SAMD12: variants seen among roughly 807,000 people sequenced by gnomAD.
SAMD12 encodes sterile alpha motif domain containing 12.
In SAMD12, 9 loss-of-function variants were observed where a neutral mutation model predicts 15.0. That is an observed-to-expected ratio of 0.60 (90% CI 0.36 to 1.05). The LOEUF is 1.05. Among genes scored for constraint, SAMD12 ranks in the 50% least tolerant of loss-of-function variants. The probability of loss-of-function intolerance (pLI) is 0.01; values close to 1 mark genes in which losing one functional copy is unlikely to be tolerated. For missense variants in SAMD12, 230 were observed against 234.2 expected, an observed-to-expected ratio of 0.98 and a Z score of 0.12; for synonymous variants, 86 against 90.1, an observed-to-expected ratio of 0.96 and a Z score of 0.25.
chr8:118,226,604 T>C (rs1164194726), intron 4 of SAMD12, among the ~76,000 whole-genome samples: 1 of 152,232 alleles, frequency 6.6e-6, no homozygotes, highest in African/African-American at 2.4e-5. Flanking sequence ...ATTCCCTATA[T>C]GCTGTGCACT....
intron 3 of SAMD12, among the ~76,000 whole-genome samples, chr8:118,432,119 T>A (rs1305246798): frequency 6.6e-6 from 1 of 152,206 alleles, no homozygotes; most frequent in Non-Finnish European, 1.5e-5. Flanking sequence ...TCCACTTCTC[T>A]GTTACATTAG....
chr8:118,268,472 A>C (rs570965637), intron 4 of SAMD12, among the ~76,000 whole-genome samples: 1 of 152,116 alleles, frequency 6.6e-6, no homozygotes, highest in East Asian at 1.9e-4. Flanking sequence ...CTTATCACCA[A>C]CTCAGCCCCA....
intron 1 of SAMD12, among the ~76,000 whole-genome samples, chr8:118,586,412 G>A (rs2131270058): frequency 6.8e-6 from 1 of 146,930 alleles, no homozygotes; most frequent in South Asian, 2.1e-4. Context: ...GTGTGATCAT[G>A]GCTCACTGCA....
chr8:118,481,198 G>A (rs1336322710), intron 2 of SAMD12, among the ~76,000 whole-genome samples: 3 of 151,502 alleles, frequency 2.0e-5, no homozygotes, highest in South Asian at 2.1e-4. Flanking sequence ...CAAGTGATCC[G>A]CCTGCCTTAG....
intron 4 of SAMD12, among the ~76,000 whole-genome samples, chr8:118,201,064 C>A (rs1237175424): frequency 6.6e-6 from 1 of 152,194 alleles, no homozygotes; most frequent in Non-Finnish European, 1.5e-5. Context: ...CATCACTTTG[C>A]TAGAGACTTA....
chr8:118,463,335 C>T (rs1254003122), intron 2 of SAMD12, among the ~76,000 whole-genome samples: 2 of 152,076 alleles, frequency 1.3e-5, no homozygotes, highest in Non-Finnish European at 2.9e-5. Flanking sequence ...GACGCCATGA[C>T]TCAGGCAGGT....
intron 3 of SAMD12, among the ~76,000 whole-genome samples, chr8:118,402,281 C>A (rs927346531): frequency 7.2e-5 from 11 of 152,000 alleles, no homozygotes; most frequent in African/African-American, 2.7e-4. Context: ...GTTGGGTCAC[C>A]GGAGGTACTT....
At chr8:118,612,500 C>T (rs1377347623) in intron 1 of SAMD12, among the ~76,000 whole-genome samples, 1 of 152,218 alleles carries the variant, frequency 6.6e-6, no homozygotes, top group East Asian at 1.9e-4. Flanking sequence ...CACCTCTGGA[C>T]AACTGTGTCC....
chr8:118,287,033 T>A (rs75567701), intron 4 of SAMD12, among the ~76,000 whole-genome samples: 8,121 of 152,210 alleles, frequency 0.053, 702 homozygotes, highest in African/African-American at 0.18. Flanking sequence ...AAAATTAAGT[T>A]GTTTTAAGAT....
chr8:118,529,176 C>T (rs1825617312), intron 2 of SAMD12, among the ~76,000 whole-genome samples: 3 of 152,164 alleles, frequency 2.0e-5, no homozygotes, highest in African/African-American at 7.2e-5. Flanking sequence ...ACCAGGAGTT[C>T]AAGTTTTTGC....
At chr8:118,252,532 C>G (rs933093309) in intron 4 of SAMD12, among the ~76,000 whole-genome samples, 6 of 152,170 alleles carry the variant, frequency 3.9e-5, no homozygotes, top group Non-Finnish European at 5.9e-5. Context: ...CAGTTCAGCA[C>G]TTCCTGATAG....
At chr8:118,213,537 T>C (rs1336914342) in intron 4 of SAMD12, among the ~76,000 whole-genome samples, 2 of 152,164 alleles carry the variant, frequency 1.3e-5, no homozygotes, top group African/African-American at 2.4e-5. Context: ...AATGATAGTA[T>C]GTATGGAAAA....
chr8:118,373,202 T>C (rs953763625), downstream of SAMD12, among the ~76,000 whole-genome samples: 1 of 152,136 alleles, frequency 6.6e-6, no homozygotes, highest in Non-Finnish European at 1.5e-5. Context: ...AATACTGGCA[T>C]GGGAATGAGG....
downstream of SAMD12, among the ~76,000 whole-genome samples, chr8:118,187,910 TTGTTGAGCAACTATGA>T (rs373221546): frequency 8.2e-3 from 1,253 of 152,222 alleles, 18 homozygotes; most frequent in African/African-American, 0.028. Context: ...CACCTAACAT[TTGTTGAGCAACTATGA>T]TGTTGAGCAA....
intron 4 of SAMD12, among the ~76,000 whole-genome samples, chr8:118,321,426 G>C (rs6980779): frequency 0.5 from 74,631 of 150,400 alleles, 20,353 homozygotes; most frequent in African/African-American, 0.74. Context: ...CCAGTCTGGC[G>C]AATATGGTGA....
At chr8:118,282,367 T>C (rs950449221) in intron 4 of SAMD12, 5 of 456,130 alleles carry the variant, frequency 1.1e-5, no homozygotes, top group Admixed American at 4.7e-5. Context: ...TGCTCTCGTA[T>C]AGGCTGGTGT....
chr8:118,432,113 C>T (rs994424082), intron 3 of SAMD12, among the ~76,000 whole-genome samples: 1 of 152,118 alleles, frequency 6.6e-6, no homozygotes, highest in Non-Finnish European at 1.5e-5. Flanking sequence ...ATTAGTTCCA[C>T]TTCTCTGTTA....
intron 4 of SAMD12, among the ~76,000 whole-genome samples, chr8:118,256,442 C>T (rs1812941215): frequency 6.6e-6 from 1 of 152,000 alleles, no homozygotes; most frequent in Non-Finnish European, 1.5e-5. Flanking sequence ...CAGGCTACCC[C>T]TCAAAAATAA....
At chr8:118,436,996 G>A (rs1283383364) in intron 3 of SAMD12, among the ~76,000 whole-genome samples, 2 of 152,158 alleles carry the variant, frequency 1.3e-5, no homozygotes, top group African/African-American at 4.8e-5. Flanking sequence ...CTGTGACCTG[G>A]TACTTGTAAC....
Sources: gnomAD v4.1 joint callset for allele counts (sites outside exome capture counted in the v4.1 genomes callset) on GRCh38, gnomAD v4.1.1 for gene constraint, MANE v1.5 for transcripts, NCBI Gene and HGNC (gene_info 2026-07-23, HGNC 2026-07-21) for gene names.